The following DEFB121 variants were observed in gnomAD, a reference collection of about 807,000 sequenced individuals.
DEFB121 encodes defensin beta 121.
In DEFB121, 5 loss-of-function variants were observed where a neutral mutation model predicts 2.5. The observed-to-expected ratio is 1.96, with a 90% confidence interval of 1.03 to 4.13. The LOEUF is 4.13. Ranked by LOEUF, DEFB121 falls within the 30% of genes most tolerant of loss-of-function variation. The pLI is 0.00. For missense variants in DEFB121, 87 were observed against 85.0 expected (o/e 1.02, Z -0.09); for synonymous variants, 39 against 32.6 (o/e 1.20, Z -0.67).
chr20:31,407,427 C>T (rs1978517988), upstream of DEFB121, among the ~76,000 whole-genome samples: 1 of 152,156 alleles, frequency 6.6e-6, no homozygotes, highest in Non-Finnish European at 1.5e-5. Flanking sequence ...TGACGGTGTG[C>T]CGGTTGTAAG....
exon 1 of DEFB121, chr20:31,412,662 C>T (rs1301989225): frequency 1.5e-6 from 2 of 1,290,818 alleles, no homozygotes; most frequent in Non-Finnish European, 2.0e-6. Flanking sequence ...TGACCTCTTT[C>T]CTCCTTGAGG....
Position 31,412,639 on chromosome 20 carries a change from A to G in DEFB121, n.200T>C, listed in dbSNP as rs1174811624. 6.2e-6 allele frequency: 8 copies of G among 1,290,790 alleles called. No individual in the cohort carries two copies. In the East Asian group the frequency reaches 4.4e-4, roughly 72 times the overall value. The allele number at this position is 1,290,790 out of a possible 1,614,324, so 80.0% of individuals were successfully genotyped here. ...ATCCTCACCTTCCTTGACTTCTTGAAACATTTGGCTATTGACCTCTTTCCT... is the reference window on the plus strand; with the variant it reads ...ATCCTCACCTTCCTTGACTTCTTGAGACATTTGGCTATTGACCTCTTTCCT... On this transcript the variant is annotated non_coding_transcript_exon_variant, in exon 1 of 2. Coordinates refer to the DEFB121 transcript ENST00000376312.
chr20:31,412,028 C>G (rs1287346374), intron 1 of DEFB121, among the ~76,000 whole-genome samples: 2 of 152,184 alleles, frequency 1.3e-5, no homozygotes, highest in Non-Finnish European at 2.9e-5. Context: ...AAGAGTTTGC[C>G]CAGCATCCTT....
At chr20:31,412,563 T>C (rs1350429392) in intron 1 of DEFB121, 1 of 1,222,108 alleles carries the variant, frequency 8.2e-7, no homozygotes, top group Non-Finnish European at 1.1e-6. Context: ...GAATAGTGCC[T>C]GGCATAGAGG....
upstream of DEFB121, among the ~76,000 whole-genome samples, chr20:31,410,599 G>T (rs1188637284): frequency 6.6e-6 from 1 of 152,124 alleles, no homozygotes; most frequent in African/African-American, 2.4e-5. Flanking sequence ...CTCTGCAACA[G>T]AGGACTAAAA....
chr20:31,407,218 C>T (rs553742134), upstream of DEFB121, among the ~76,000 whole-genome samples: 48 of 152,114 alleles, frequency 3.2e-4, no homozygotes, highest in Non-Finnish European at 6.0e-4. Flanking sequence ...CCACTGCACT[C>T]CAGCCTGGGC....
upstream of DEFB121, among the ~76,000 whole-genome samples, chr20:31,414,600 G>A (rs183888360): frequency 1.7e-4 from 26 of 152,304 alleles, no homozygotes; most frequent in Middle Eastern, 6.8e-3. Context: ...AACCAGTCAC[G>A]GAAAGACAAA....
At chr20:31,414,388 G>C (rs1978747098), upstream of DEFB121, among the ~76,000 whole-genome samples, 1 of 152,184 alleles carries the variant, frequency 6.6e-6, no homozygotes, top group Admixed American at 6.5e-5. Context: ...ATCTTGAAGA[G>C]ATATCTGCAC....
upstream of DEFB121, among the ~76,000 whole-genome samples, chr20:31,408,566 C>A (rs112488762): frequency 0.037 from 5,633 of 152,280 alleles, 351 homozygotes; most frequent in African/African-American, 0.13. Context: ...CCAGCCACAA[C>A]TATCACAACT....
At chr20:31,412,807 G>C in exon 1 of DEFB121, 1 of 560,102 alleles carries the variant, frequency 1.8e-6, no homozygotes, top group South Asian at 1.8e-5. Flanking sequence ...AGACCCAGAG[G>C]GCTCACCCAG....
rs760270343 is a variant in DEFB121, at chr20:31,405,024, G to T, written c.120C>A (p.Tyr40Ter). Residue 40 changes from tyrosine to a stop codon, truncating the protein, a stop_gained, in exon 2 of 2, where the codon TAC (tyrosine) becomes TAA (stop). Transcript: ENST00000376314. LOFTEE classifies it low-confidence loss of function (END_TRUNC). The part of the protein sequence containing the change: ...CRTTCKESEV[Y>*]YILCKTEAKC... ...TAGCCTCAGTTTTGCATAATATATA[G>T]TATACTTCACTTTCTTTACATGTTG... 3 of 1,612,568 alleles carry T rather than the reference G, an allele frequency of 1.9e-6. No individual in the cohort carries two copies. In the South Asian group the frequency reaches 3.3e-5, roughly 18 times the overall value.
At chr20:31,407,705 A>C (rs1978526909), upstream of DEFB121, among the ~76,000 whole-genome samples, 1 of 152,226 alleles carries the variant, frequency 6.6e-6, no homozygotes, top group Non-Finnish European at 1.5e-5. Flanking sequence ...TAACTTATAC[A>C]CAAGGCCAGC....
At chr20:31,416,277 T>C (rs1214103377), upstream of DEFB121, among the ~76,000 whole-genome samples, 1 of 152,196 alleles carries the variant, frequency 6.6e-6, no homozygotes, top group Non-Finnish European at 1.5e-5. Flanking sequence ...GCCAGGCTGG[T>C]CTCAAACTCC....
upstream of DEFB121, among the ~76,000 whole-genome samples, chr20:31,409,034 A>AG (rs1978578824): frequency 6.6e-6 from 1 of 152,018 alleles, no homozygotes; most frequent in South Asian, 2.1e-4. Context: ...CTCAAAAAAA[A>AG]AAAATGTACC....
At chr20:31,418,259 C>CAAA in the DEFB121 span, among the ~76,000 whole-genome samples, 27 of 82,978 alleles carry the variant, frequency 3.3e-4, no homozygotes, top group Middle Eastern at 0.011. Flanking sequence ...GACTCCGTCT[C>CAAA]AAAAAAAAAA....
At chr20:31,417,209 G>T (rs778229945), upstream of DEFB121, among the ~76,000 whole-genome samples, 3 of 152,138 alleles carry the variant, frequency 2.0e-5, no homozygotes, top group Non-Finnish European at 4.4e-5. Context: ...GCCAGGTGTG[G>T]TGATGTGTGC....
chr20:31,414,290 A>C (rs1978744516), upstream of DEFB121, among the ~76,000 whole-genome samples: 1 of 152,100 alleles, frequency 6.6e-6, no homozygotes, highest in Non-Finnish European at 1.5e-5. Flanking sequence ...AAGGAAAGGA[A>C]GGCAAAGGAA....
chr20:31,405,412 G>A (rs1480352112), intron 1 of DEFB121, among the ~76,000 whole-genome samples: 1 of 152,088 alleles, frequency 6.6e-6, no homozygotes, highest in East Asian at 1.9e-4. Flanking sequence ...ATATTATAAT[G>A]TACCCAGGTG....
chr20:31,405,137 A>G, intron 1 of DEFB121, 52 bp from the exon 2 acceptor site: 1 of 1,541,186 alleles, frequency 6.5e-7, no homozygotes, highest in Non-Finnish European at 8.7e-7. Flanking sequence ...AGAAAGCAGA[A>G]AGGTGTGAAA....
Sources: gnomAD v4.1 joint callset for allele counts (sites outside exome capture counted in the v4.1 genomes callset) on GRCh38, gnomAD v4.1.1 for gene constraint, MANE v1.5 for transcripts, NCBI Gene and HGNC (gene_info 2026-07-23, HGNC 2026-07-21) for gene names.